Variants in HTR1F observed in about 807,000 individuals in gnomAD.
HTR1F encodes the protein 5-hydroxytryptamine (serotonin) receptor 1F, G protein-coupled.
HTR1F carries 17 observed loss-of-function variants against 24.0 expected under a neutral mutation model. The ratio of observed to expected loss-of-function variants is 0.71; its 90% confidence interval spans 0.48 to 1.06. HTR1F has a LOEUF of 1.06. HTR1F is among the 50% of genes least tolerant of loss of function. The probability of loss-of-function intolerance (pLI) is 0.00; values close to 1 mark genes in which losing one functional copy is unlikely to be tolerated. For synonymous variants in HTR1F, 186 were observed against 156.8 expected, an observed-to-expected ratio of 1.19 and a Z score of -1.39; for missense variants, 391 against 427.8, an observed-to-expected ratio of 0.91 and a Z score of 0.76.
chr3:87,846,385 C>T (rs923344827), intron 2 of HTR1F, among the ~76,000 whole-genome samples: 8 of 151,544 alleles, frequency 5.3e-5, no homozygotes, highest in Admixed American at 2.6e-4. Flanking sequence ...TGCAGTGAGC[C>T]AAGATTGTGC....
intron 2 of HTR1F, among the ~76,000 whole-genome samples, chr3:87,963,400 G>C (rs72915692): frequency 0.021 from 3,173 of 152,180 alleles, 103 homozygotes; most frequent in African/African-American, 0.072. Flanking sequence ...AAGATGCTGA[G>C]TTATCCTGAT....
At chr3:87,818,337 G>A (rs1361043090) in intron 1 of HTR1F, among the ~76,000 whole-genome samples, 1 of 152,130 alleles carries the variant, frequency 6.6e-6, no homozygotes, top group African/African-American at 2.4e-5. Flanking sequence ...AGCAGCTTCA[G>A]GCCCACTGTT....
Position 87,851,692 on chromosome 3 carries a change from C to T in HTR1F, c.-43+29568C>T, listed in dbSNP as rs1383682260. ...TTTTACAATGAGGCAGTTAACATCC[C>T]TGAACATCTATCCTAATGAATTGAT... On this transcript the variant is annotated intron_variant, in intron 2 of 2. Coordinates refer to ENST00000319595, the MANE Select transcript of HTR1F (RefSeq NM_001322209.2). 2.0e-5 allele frequency among the ~76,000 whole-genome samples: 3 copies of T among 151,522 alleles called. 1 individual carries two copies. The highest frequency in any genetic ancestry group is 6.6e-5 in the Admixed American group (1 of 15,174).
intron 2 of HTR1F, among the ~76,000 whole-genome samples, chr3:87,985,842 T>G (rs1458188325): frequency 1.3e-5 from 2 of 152,222 alleles, no homozygotes; most frequent in East Asian, 3.8e-4. Flanking sequence ...GATATCAAGA[T>G]CAAACAAACA....
At chr3:87,839,016 T>C (rs1298809751) in intron 2 of HTR1F, among the ~76,000 whole-genome samples, 1 of 149,108 alleles carries the variant, frequency 6.7e-6, no homozygotes, top group Admixed American at 6.7e-5. Context: ...TATTTTATTT[T>C]TATTTTTATT....
At chr3:87,966,197 C>T (rs1277736583) in intron 2 of HTR1F, among the ~76,000 whole-genome samples, 1 of 152,152 alleles carries the variant, frequency 6.6e-6, no homozygotes, top group Non-Finnish European at 1.5e-5. Flanking sequence ...AGCCAAGGAC[C>T]TTTCTCAAGC....
At chr3:87,895,404 T>G (rs1706176735) in intron 2 of HTR1F, among the ~76,000 whole-genome samples, 1 of 152,126 alleles carries the variant, frequency 6.6e-6, no homozygotes, top group African/African-American at 2.4e-5. Context: ...ATACCTGTAT[T>G]ATATATACAT....
At chr3:87,897,827 G>A (rs1706235469) in intron 2 of HTR1F, among the ~76,000 whole-genome samples, 2 of 152,078 alleles carry the variant, frequency 1.3e-5, no homozygotes, top group Non-Finnish European at 2.9e-5. Context: ...ATTCTTCCCA[G>A]TACCTCCTGT....
intron 1 of HTR1F, among the ~76,000 whole-genome samples, chr3:87,801,371 C>G (rs569832000): frequency 3.9e-5 from 6 of 152,262 alleles, no homozygotes; most frequent in Non-Finnish European, 7.4e-5. Context: ...CCCAGAATAT[C>G]TGAAACAGGT....
chr3:87,882,256 T>C (rs531614717), intron 2 of HTR1F, among the ~76,000 whole-genome samples: 10 of 152,290 alleles, frequency 6.6e-5, no homozygotes, highest in African/African-American at 2.4e-4. Flanking sequence ...TTTTACACTG[T>C]TGGTGGGACT....
At chr3:87,912,113 G>A (rs1264523173) in intron 2 of HTR1F, among the ~76,000 whole-genome samples, 3 of 151,922 alleles carry the variant, frequency 2.0e-5, no homozygotes, top group Non-Finnish European at 4.4e-5. Context: ...TAGGAAGAAA[G>A]GAAGTCAAAC....
At chr3:87,911,588 A>G (rs561164628) in intron 2 of HTR1F, among the ~76,000 whole-genome samples, 2 of 152,218 alleles carry the variant, frequency 1.3e-5, no homozygotes, top group Admixed American at 6.5e-5. Context: ...TGAGGCCAGC[A>G]TTATCCTAAT....
intron 2 of HTR1F, among the ~76,000 whole-genome samples, chr3:87,826,723 A>G (rs1407682815): frequency 6.6e-6 from 1 of 152,120 alleles, no homozygotes; most frequent in East Asian, 1.9e-4. Flanking sequence ...CTACCGTGTA[A>G]ATTCCTTGAA....
chr3:87,795,797 C>A (rs914514672), intron 1 of HTR1F, among the ~76,000 whole-genome samples: 1 of 152,102 alleles, frequency 6.6e-6, no homozygotes, highest in Admixed American at 6.6e-5. Flanking sequence ...CAGACATGAT[C>A]CTTCCATTTG....
chr3:87,954,841 T>C (rs1401765829), intron 2 of HTR1F, among the ~76,000 whole-genome samples: 18 of 151,600 alleles, frequency 1.2e-4, no homozygotes, highest in Admixed American at 1.1e-3. Flanking sequence ...TTTAAAGTAG[T>C]GAAAGGAACT....
chr3:87,835,753 T>A (rs183920188), intron 2 of HTR1F, among the ~76,000 whole-genome samples: 7 of 152,194 alleles, frequency 4.6e-5, no homozygotes. Flanking sequence ...TCATACATTA[T>A]CCTAAAGAGA....
At chr3:87,987,953 T>C (rs1705710937) in intron 2 of HTR1F, among the ~76,000 whole-genome samples, 1 of 150,470 alleles carries the variant, frequency 6.6e-6, no homozygotes, top group Admixed American at 6.7e-5. Flanking sequence ...TAGCATGAAA[T>C]TCAGAGGACA....
At chr3:87,871,975 G>A (rs2107256576) in intron 2 of HTR1F, among the ~76,000 whole-genome samples, 1 of 152,186 alleles carries the variant, frequency 6.6e-6, no homozygotes, top group East Asian at 1.9e-4. Context: ...AGAGTTCACA[G>A]AACATTCTCC....
chr3:87,821,797 A>T (rs1704364162), intron 1 of HTR1F, among the ~76,000 whole-genome samples: 1 of 152,166 alleles, frequency 6.6e-6, no homozygotes, highest in Non-Finnish European at 1.5e-5. Flanking sequence ...TAATGCAACT[A>T]TTACAGCTGA....
Sources: gnomAD v4.1 joint callset for allele counts (sites outside exome capture counted in the v4.1 genomes callset) on GRCh38, gnomAD v4.1.1 for gene constraint, MANE v1.5 for transcripts, NCBI Gene and HGNC (gene_info 2026-07-23, HGNC 2026-07-21) for gene names.